The following AGBL4 variants were observed in gnomAD, a reference collection of about 807,000 sequenced individuals.
AGBL4 encodes AGBL carboxypeptidase 4.
A neutral mutation model predicts 66.4 loss-of-function variants in AGBL4; 58 were observed. The ratio of observed to expected loss-of-function variants is 0.87; its 90% CI spans 0.71 to 1.09. The LOEUF (loss-of-function observed/expected upper bound fraction) is 1.09, where lower values mean the gene tolerates loss of function less well. Among genes scored for constraint, AGBL4 ranks in the 50% least tolerant of loss-of-function variants. The pLI is 0.00. For synonymous variants in AGBL4, 234 were observed against 222.9 expected, an observed-to-expected ratio of 1.05 and a Z score of -0.44; for missense variants, 579 against 631.0, an observed-to-expected ratio of 0.92 and a Z score of 0.88.
chr1:49,876,978 G>C lies in AGBL4; in HGVS notation c.35-25460C>G, dbSNP rs373149493. Among the ~76,000 whole-genome samples the C allele has an allele frequency of 3.3e-3, 504 of 151,550 alleles. 1 individual carries two copies. Among genetic ancestry groups the C allele is most frequent in the Non-Finnish European group, 3.6e-3 (242 of 67,906 alleles). ...TCTGTTTGTCTGTTGTTGGTGTATA[G>C]GAATGCTTGTGATTTTTGTACATTG... On this transcript the variant is annotated intron_variant, in intron 1 of 13. Coordinates refer to ENST00000371839, the MANE Select transcript of AGBL4 (RefSeq NM_032785.4).
At chr1:49,766,298 G>A in intron 2 of AGBL4, among the ~76,000 whole-genome samples, 1 of 152,128 alleles carries the variant, frequency 6.6e-6, no homozygotes, top group Non-Finnish European at 1.5e-5. Flanking sequence ...GCATTTTTAA[G>A]AGAAGAAATT....
intron 2 of AGBL4, among the ~76,000 whole-genome samples, chr1:49,822,609 T>G (rs1349743684): frequency 6.6e-6 from 1 of 152,186 alleles, no homozygotes; most frequent in Non-Finnish European, 1.5e-5. Flanking sequence ...CAAATGCTCA[T>G]CTCCAGAAAG....
chr1:49,122,599 AGTT>A (rs1286970602), intron 4 of AGBL4, among the ~76,000 whole-genome samples: 1 of 152,196 alleles, frequency 6.6e-6, no homozygotes, highest in East Asian at 1.9e-4. Context: ...ATTATCACAC[AGTT>A]GTTAAGTGTA....
chr1:49,137,853 G>A (rs945600809), intron 4 of AGBL4, among the ~76,000 whole-genome samples: 11 of 152,014 alleles, frequency 7.2e-5, no homozygotes, highest in Non-Finnish European at 1.6e-4. Context: ...TCTTGGACAA[G>A]CCGAAAATAA....
At chr1:49,804,613 A>G (rs770476160) in intron 2 of AGBL4, among the ~76,000 whole-genome samples, 14 of 152,194 alleles carry the variant, frequency 9.2e-5, no homozygotes, top group Admixed American at 1.3e-4. Context: ...TTGTTATATT[A>G]CTGAAGGCTG....
chr1:48,587,678 T>C (rs1055987279), intron 10 of AGBL4, among the ~76,000 whole-genome samples: 1 of 151,928 alleles, frequency 6.6e-6, no homozygotes, highest in African/African-American at 2.4e-5. Context: ...AGTCTCGCTC[T>C]GTCACCCAGG....
intron 1 of AGBL4, among the ~76,000 whole-genome samples, chr1:49,973,932 A>G (rs1414436667): frequency 6.6e-6 from 1 of 151,960 alleles, no homozygotes; most frequent in Non-Finnish European, 1.5e-5. Context: ...ATAATTATTT[A>G]TTGGTAGGAA....
intron 5 of AGBL4, among the ~76,000 whole-genome samples, chr1:49,030,862 A>G (rs976081543): frequency 1.3e-5 from 2 of 151,754 alleles, no homozygotes; most frequent in African/African-American, 4.8e-5. Flanking sequence ...AAAATGGATC[A>G]ATCGGACTTC....
At chr1:48,996,676 G>A (rs952108633) in intron 5 of AGBL4, among the ~76,000 whole-genome samples, 2 of 152,136 alleles carry the variant, frequency 1.3e-5, no homozygotes, top group African/African-American at 2.4e-5. Flanking sequence ...TTAAAGTTAA[G>A]AGTGGAAAGA....
intron 2 of AGBL4, among the ~76,000 whole-genome samples, chr1:49,738,213 C>T (rs567573767): frequency 6.6e-6 from 1 of 152,248 alleles, no homozygotes; most frequent in Non-Finnish European, 1.5e-5. Flanking sequence ...CACCCTAACA[C>T]TGAGCTTTTC....
intron 3 of AGBL4, among the ~76,000 whole-genome samples, chr1:49,348,961 T>C (rs1434179713): frequency 6.6e-6 from 1 of 152,206 alleles, no homozygotes; most frequent in African/African-American, 2.4e-5. Flanking sequence ...ATATATTTGG[T>C]TCTACTAGCT....
intron 10 of AGBL4, among the ~76,000 whole-genome samples, chr1:48,588,220 G>C (rs1239267580): frequency 6.6e-6 from 1 of 152,174 alleles, no homozygotes; most frequent in African/African-American, 2.4e-5. Context: ...TTCCTTTAGG[G>C]ATAGCTGATT....
At chr1:49,576,574 T>C (rs1558068583) in intron 3 of AGBL4, among the ~76,000 whole-genome samples, 1 of 152,334 alleles carries the variant, frequency 6.6e-6, no homozygotes, top group East Asian at 1.9e-4. Context: ...ACCATGCGAA[T>C]TGAACTGCCT....
chr1:49,746,402 A>G (rs1650989704), intron 2 of AGBL4, among the ~76,000 whole-genome samples: 1 of 151,986 alleles, frequency 6.6e-6, no homozygotes, highest in African/African-American at 2.4e-5. Context: ...GTTCTCATAC[A>G]TCCTCTTCTG....
intron 4 of AGBL4, among the ~76,000 whole-genome samples, chr1:49,227,633 C>T (rs1289524376): frequency 3.3e-5 from 5 of 152,146 alleles, no homozygotes; most frequent in Non-Finnish European, 7.3e-5. Context: ...TCTTCTGTAG[C>T]TTATTTAGCA....
chr1:48,551,731 A>T (rs1468281038), intron 11 of AGBL4, among the ~76,000 whole-genome samples: 1 of 151,942 alleles, frequency 6.6e-6, no homozygotes, highest in Non-Finnish European at 1.5e-5. Flanking sequence ...CTCCTGTAAA[A>T]TTGGCGGGCA....
intron 5 of AGBL4, among the ~76,000 whole-genome samples, chr1:48,907,815 G>A (rs1652756110): frequency 6.6e-6 from 1 of 152,158 alleles, no homozygotes. Context: ...CCTGATGAGA[G>A]CTGCATACTC....
chr1:48,844,152 C>A (rs1217403723), intron 6 of AGBL4, among the ~76,000 whole-genome samples: 1 of 152,184 alleles, frequency 6.6e-6, no homozygotes, highest in Non-Finnish European at 1.5e-5. Context: ...GCTCCAGCCT[C>A]CTGGGCCCTA....
At chr1:49,846,942 T>C (rs1269596745) in intron 2 of AGBL4, among the ~76,000 whole-genome samples, 1 of 152,206 alleles carries the variant, frequency 6.6e-6, no homozygotes, top group African/African-American at 2.4e-5. Flanking sequence ...AAAATTCATA[T>C]TGTACCCAAA....
Sources: gnomAD v4.1 joint callset for allele counts (sites outside exome capture counted in the v4.1 genomes callset) on GRCh38, gnomAD v4.1.1 for gene constraint, MANE v1.5 for transcripts, NCBI Gene and HGNC (gene_info 2026-07-23, HGNC 2026-07-21) for gene names.